The following DENND1B variants were observed in gnomAD, a reference collection of about 807,000 sequenced individuals.
The protein encoded by DENND1B is DENN domain containing 1B.
In DENND1B, 59 loss-of-function variants were observed where a neutral mutation model predicts 90.1. The ratio of observed to expected loss-of-function variants is 0.65; its 90% CI spans 0.53 to 0.81. DENND1B has a LOEUF of 0.81. Ranked by LOEUF, DENND1B falls within the 40% of genes least tolerant of loss-of-function variation. DENND1B has a pLI of 0.00. For synonymous variants in DENND1B, 337 were observed against 324.6 expected (o/e 1.04, Z -0.41); for missense variants, 862 against 912.6 (o/e 0.94, Z 0.71).
intron 16 of DENND1B, chr1:197,552,200 AAAG>A (rs1671295986): frequency 2.0e-6 from 2 of 978,912 alleles, no homozygotes; most frequent in Non-Finnish European, 2.4e-6. Flanking sequence ...ACAAACATAC[AAAG>A]AAGTTTAAAA....
At chr1:197,719,886 C>T (rs903292749) in intron 2 of DENND1B, among the ~76,000 whole-genome samples, 2 of 152,146 alleles carry the variant, frequency 1.3e-5, no homozygotes, top group Non-Finnish European at 2.9e-5. Flanking sequence ...AGGTCTACAA[C>T]ATATAACTGA....
upstream of DENND1B, among the ~76,000 whole-genome samples, chr1:197,779,792 T>C (rs1211845199): frequency 6.6e-6 from 1 of 151,798 alleles, no homozygotes; most frequent in Non-Finnish European, 1.5e-5. Flanking sequence ...ATATATACTT[T>C]AAATTCTATT....
intron 3 of DENND1B, among the ~76,000 whole-genome samples, chr1:197,703,716 T>C (rs1038239855): frequency 1.3e-5 from 2 of 152,228 alleles, no homozygotes; most frequent in Admixed American, 6.5e-5. Context: ...TTTGCTTCCC[T>C]GGCTTACTGA....
chr1:197,575,166 G>A (rs1673551859), intron 15 of DENND1B, among the ~76,000 whole-genome samples: 1 of 151,670 alleles, frequency 6.6e-6, no homozygotes, highest in Non-Finnish European at 1.5e-5. Context: ...TACAGAATGG[G>A]AAAAATTTTT....
intron 1 of DENND1B, 86 bp downstream of exon 1, chr1:197,775,053 G>A: frequency 1.0e-6 from 1 of 961,144 alleles, no homozygotes; most frequent in Non-Finnish European, 1.3e-6. Flanking sequence ...AGCCGGTTGA[G>A]CGCGGAGGCG....
chr1:197,671,412 A>G (rs1223522199), intron 5 of DENND1B, among the ~76,000 whole-genome samples: 5 of 152,216 alleles, frequency 3.3e-5, no homozygotes, highest in Admixed American at 6.5e-5. Flanking sequence ...GGCAGGACAG[A>G]TAGGACCTTT....
At chr1:197,671,207 C>A (rs879506493) in intron 5 of DENND1B, among the ~76,000 whole-genome samples, 9 of 152,098 alleles carry the variant, frequency 5.9e-5, no homozygotes, top group Non-Finnish European at 1.3e-4. Flanking sequence ...TGACCAATAT[C>A]CATGTTATAA....
chr1:197,611,282 T>A (rs1422444738), intron 12 of DENND1B, among the ~76,000 whole-genome samples: 1 of 150,916 alleles, frequency 6.6e-6, no homozygotes, highest in Non-Finnish European at 1.5e-5. Flanking sequence ...GCTGATCCTA[T>A]ACCAAGACCT....
chr1:197,596,769 T>C (rs1351014733), intron 13 of DENND1B, among the ~76,000 whole-genome samples: 1 of 151,882 alleles, frequency 6.6e-6, no homozygotes. Context: ...ATGATTGTAA[T>C]TGAACTGTCA....
intron 13 of DENND1B, 31 bp from the exon 14 acceptor site, chr1:197,595,364 C>T: frequency 6.2e-7 from 1 of 1,607,686 alleles, no homozygotes; most frequent in East Asian, 2.2e-5. Context: ...GTTAAATTAA[C>T]ACCTCAGAAA....
chr1:197,646,966 C>T (rs1680776894), intron 8 of DENND1B, 89 bp downstream of exon 8: 3 of 935,702 alleles, frequency 3.2e-6, no homozygotes, highest in East Asian at 6.5e-5. Flanking sequence ...TCCCAAAGGG[C>T]TGGAGTGAAG....
intron 15 of DENND1B, among the ~76,000 whole-genome samples, chr1:197,581,677 T>G (rs1035594464): frequency 6.6e-6 from 1 of 152,198 alleles, no homozygotes; most frequent in African/African-American, 2.4e-5. Flanking sequence ...AGTAAACTCT[T>G]CTGTAACTAT....
intron 22 of DENND1B, 27 bp from the exon 23 acceptor site, chr1:197,510,999 C>G (rs1394463009): frequency 2.0e-6 from 3 of 1,474,612 alleles, no homozygotes; most frequent in East Asian, 2.3e-5. Flanking sequence ...ACAACAAACT[C>G]AGAAAACTTT....
intron 20 of DENND1B, among the ~76,000 whole-genome samples, chr1:197,538,506 C>T (rs1460724337): frequency 6.6e-6 from 1 of 152,020 alleles, no homozygotes; most frequent in East Asian, 1.9e-4. Context: ...AAAATATCAG[C>T]TTAATAAATG....
At chr1:197,574,340 A>C (rs1355308795) in intron 15 of DENND1B, among the ~76,000 whole-genome samples, 1 of 152,188 alleles carries the variant, frequency 6.6e-6, no homozygotes, top group Non-Finnish European at 1.5e-5. Context: ...TCCCATTCGC[A>C]ATTGCTACAA....
At position 197,718,922 on chromosome 1, in the gene DENND1B, G is replaced by C. The variant is rs139256073; in HGVS notation, c.83-3848C>G. ...GCAGACAGTAGTATAAATCAAGTTA[G>C]AAAGAACAACCAGAAAGGGAGAATG... is the stretch of plus-strand genomic sequence containing the variant. On this transcript the variant is annotated intron_variant, in intron 2 of 22. Transcript: ENST00000620048. Among the ~76,000 whole-genome samples the C allele has an allele frequency of 3.0e-4, 45 of 152,258 alleles. No homozygotes were observed. In the East Asian group the frequency reaches 8.5e-3, roughly 29 times the overall value.
the DENND1B span, among the ~76,000 whole-genome samples, chr1:197,781,786 A>C: frequency 6.6e-6 from 1 of 152,234 alleles, no homozygotes; most frequent in Non-Finnish European, 1.5e-5. Flanking sequence ...GAACTCAGAT[A>C]AATTTTGACA....
chr1:197,657,638 G>A (rs1368433273), intron 6 of DENND1B, among the ~76,000 whole-genome samples: 3 of 152,084 alleles, frequency 2.0e-5, no homozygotes, highest in Non-Finnish European at 2.9e-5. Flanking sequence ...ATTACTGATG[G>A]GAATGAAAAA....
intron 20 of DENND1B, among the ~76,000 whole-genome samples, chr1:197,534,925 A>T (rs1231755768): frequency 6.6e-6 from 1 of 152,192 alleles, no homozygotes; most frequent in East Asian, 1.9e-4. Flanking sequence ...CCGTGGCTCT[A>T]GCATCAGCTT....
Sources: gnomAD v4.1 joint callset for allele counts (sites outside exome capture counted in the v4.1 genomes callset) on GRCh38, gnomAD v4.1.1 for gene constraint, MANE v1.5 for transcripts, NCBI Gene and HGNC (gene_info 2026-07-23, HGNC 2026-07-21) for gene names.